Variants in ZNF444 observed in about 807,000 individuals in gnomAD.
The protein encoded by ZNF444 is endothelial zinc finger protein 2.
In ZNF444, 8 loss-of-function variants were observed where a neutral mutation model predicts 14.4. The observed-to-expected ratio is 0.56, with a 90% CI of 0.33 to 1.00. The LOEUF (loss-of-function observed/expected upper bound fraction) is 1.00, where lower values mean the gene tolerates loss of function less well. ZNF444 is among the 50% of genes least tolerant of loss of function. ZNF444 has a pLI of 0.03. For missense variants in ZNF444, 510 were observed against 504.8 expected (o/e 1.01, Z -0.10); for synonymous variants, 258 against 235.9 (o/e 1.09, Z -0.86).
At chr19:56,136,193 C>G (rs1860483835) in intron 1 of ZNF444, among the ~76,000 whole-genome samples, 1 of 151,860 alleles carries the variant, frequency 6.6e-6, no homozygotes, top group Admixed American at 6.6e-5. Context: ...GTGTTATGAC[C>G]TCCATTCAAG....
At chr19:56,151,966 G>A (rs930275050) in intron 3 of ZNF444, 5 of 455,828 alleles carry the variant, frequency 1.1e-5, no homozygotes, top group Non-Finnish European at 2.2e-5. Context: ...ATTGCCGGAT[G>A]AGAAGGAGAG....
chr19:56,141,057 G>C (rs976720582), upstream of ZNF444: 1 of 152,124 alleles, frequency 6.6e-6, no homozygotes, highest in Non-Finnish European at 1.5e-5. Context: ...CGTATCTTGG[G>C]AAATGTAGTT....
chr19:56,133,874 G>A (rs971111655), intron 1 of ZNF444, among the ~76,000 whole-genome samples: 1 of 151,824 alleles, frequency 6.6e-6, no homozygotes, highest in East Asian at 1.9e-4. Context: ...GGGAGCATGA[G>A]GGGGAAGTCA....
intron 3 of ZNF444, chr19:56,150,474 C>T (rs1236379492): frequency 2.7e-6 from 1 of 364,840 alleles, no homozygotes; most frequent in Non-Finnish European, 5.3e-6. Context: ...GTATCTGTTA[C>T]TCTCTCTTTT....
intron 3 of ZNF444, chr19:56,156,010 A>G (rs2031881977): frequency 6.6e-6 from 1 of 152,236 alleles, no homozygotes; most frequent in Non-Finnish European, 1.5e-5. Flanking sequence ...CAGGCTGTAC[A>G]TCGGGCTCCC....
Position 56,158,542 on chromosome 19 carries a change from G to A in ZNF444, c.346G>A (p.Asp116Asn). 1.2e-6 allele frequency: 2 copies of A among 1,612,334 alleles called. No individual in the cohort carries two copies. The highest frequency in any genetic ancestry group is 2.2e-5 in the East Asian group (1 of 44,644). Residue 116 changes from aspartate (D) to asparagine (N), a missense_variant, in exon 4 of 5, where the codon GAT becomes AAT. By Grantham distance (23) the Asp-to-Asn change is conservative. Coordinates refer to ENST00000337080, the MANE Select transcript of ZNF444 (RefSeq NM_018337.4). The part of the protein sequence containing the change: ...DGSSATRVPQ[D>N]VTQGPGATGG... ...GTCGTCAGCAACGAGGGTGCCTCAG[G>A]ATGTGACGCAGGGCCCTGGGGCCAC...
intron 3 of ZNF444, among the ~76,000 whole-genome samples, chr19:56,148,599 T>G (rs1033229207): frequency 6.6e-6 from 1 of 151,922 alleles, no homozygotes; most frequent in African/African-American, 2.4e-5. Context: ...CCCCCTCTTA[T>G]TGTCTGGGAT....
intron 4 of ZNF444, 39 bp downstream of exon 4, chr19:56,158,641 C>T (rs200359739): frequency 5.2e-6 from 8 of 1,531,044 alleles, no homozygotes; most frequent in Non-Finnish European, 7.1e-6. Flanking sequence ...CGCCAGCCCC[C>T]AGCACCGGGG....
intron 1 of ZNF444, among the ~76,000 whole-genome samples, chr19:56,136,251 T>C (rs1203243797): frequency 6.6e-6 from 1 of 151,972 alleles, no homozygotes; most frequent in Non-Finnish European, 1.5e-5. Context: ...GGCTGGGGCA[T>C]GTTGGGTGGG....
At chr19:56,156,892 CCT>C (rs1227143551) in intron 3 of ZNF444, 4 of 152,290 alleles carry the variant, frequency 2.6e-5, no homozygotes, top group African/African-American at 9.6e-5. Context: ...GCCAGCGTCC[CCT>C]GTCTCTGGGG....
At chr19:56,136,845 G>A (rs567676656), upstream of ZNF444, among the ~76,000 whole-genome samples, 5 of 152,042 alleles carry the variant, frequency 3.3e-5, no homozygotes, top group South Asian at 8.3e-4. Flanking sequence ...GCAATGGCAC[G>A]ATCTTGGCTC....
rs1379519774 is a variant in ZNF444 at position 56,144,988 on chromosome 19, C to T, written c.-196-1259C>T. 1.3e-5 allele frequency among the ~76,000 whole-genome samples: 2 copies of T among 152,224 alleles called. No individual in the cohort carries two copies. Among genetic ancestry groups the T allele is most frequent in the Admixed American group, 6.5e-5 (1 of 15,280 alleles). ...TGACTATCTTTGGCTCTGTGGACAG[C>T]CTTACAGGCCACCCAGGCCCTGTCA... On this transcript the variant is annotated intron_variant, in intron 1 of 4. Transcript: ENST00000337080. This position sits in a 1 kb window ranked among gnomAD's most constrained non-coding sequence, Gnocchi z 4.0.
intron 1 of ZNF444, among the ~76,000 whole-genome samples, chr19:56,134,000 C>T (rs2030553828): frequency 2.0e-5 from 3 of 151,952 alleles, no homozygotes; most frequent in South Asian, 2.1e-4. Context: ...GATCCAGCCC[C>T]CTGGGAGCCT....
In ZNF444 at chr19:56,133,206, G is replaced by A. The variant is rs143526357; in HGVS notation, c.-197+428G>A. 5.1e-4 allele frequency among the ~76,000 whole-genome samples: 78 copies of A among 151,782 alleles called. 1 individual carries two copies. In the East Asian group the frequency reaches 0.015, roughly 28 times the overall value. On this transcript the variant is annotated intron_variant, in intron 1 of 2. Coordinates refer to the ZNF444 transcript ENST00000587467. ...ACCCACCTCGGCCTCCCAAAGTGTT[G>A]GGATTACAGGCGCACACCACCATGC...
Position 56,159,756 on chromosome 19 carries a change from C to A in ZNF444, c.539C>A (p.Ser180Tyr). The A allele has an allele frequency of 6.3e-7, 1 of 1,591,128 alleles. No homozygotes were observed. The highest frequency in any genetic ancestry group is 1.7e-5 in the Admixed American group (1 of 58,294). ...PAFLAAPGTT[S>Y]CPECGKTSLK... ...TTCCTAGCGGCCCCGGGCACCACGT[C>A]CTGCCCCGAGTGCGGCAAAACGTCC... is the stretch of plus-strand genomic sequence containing the variant. The change falls in exon 5 of 5, where the codon TCC (serine) becomes TAC (tyrosine). Residue 180 changes from serine to tyrosine, a missense_variant. Coordinates refer to ENST00000337080, the MANE Select transcript of ZNF444 (RefSeq NM_018337.4).
intron 3 of ZNF444, chr19:56,150,373 G>A (rs1568556403): frequency 7.4e-6 from 2 of 271,770 alleles, no homozygotes; most frequent in East Asian, 1.9e-4. Flanking sequence ...GAAATCACCA[G>A]GCTCCAGGCC....
rs60367783 is a variant in ZNF444 at position 56,160,287 on chromosome 19, T to C, written c.*86T>C. Reference sequence around the variant, plus strand: ...CTCCCAGCGCCACTTGGCCTCTTCCTCTCCTCCTTCCCTCCCATCGTCCTC... The same window carrying C: ...CTCCCAGCGCCACTTGGCCTCTTCCCCTCCTCCTTCCCTCCCATCGTCCTC... On this transcript the variant is annotated 3_prime_UTR_variant, in exon 5 of 5. Coordinates refer to ENST00000337080, the MANE Select transcript of ZNF444 (RefSeq NM_018337.4). 55,973 of 1,112,550 alleles carry C rather than the reference T, an allele frequency of 0.05. 3,469 individuals carry two copies. Among genetic ancestry groups the C allele is most frequent in the African/African-American group, 0.3 (17,865 of 59,878 alleles). The allele number at this position is 1,112,550 out of a possible 1,614,324, so 68.9% of individuals were successfully genotyped here.
chr19:56,136,835 G>C (rs567222944), upstream of ZNF444, among the ~76,000 whole-genome samples: 1 of 152,118 alleles, frequency 6.6e-6, no homozygotes, highest in Non-Finnish European at 1.5e-5. Context: ...AGGCTGGAGT[G>C]CAATGGCACG....
At chr19:56,157,955 TCTG>T (rs959357457) in intron 3 of ZNF444, 2 of 152,152 alleles carry the variant, frequency 1.3e-5, no homozygotes, top group African/African-American at 4.8e-5. Flanking sequence ...TGGCAGCTGT[TCTG>T]CTGTTTCACA....
Sources: allele counts gnomAD v4.1 joint callset (sites outside exome capture counted in the v4.1 genomes callset), GRCh38; gene constraint gnomAD v4.1.1; non-coding constraint Gnocchi (gnomAD v3.1); transcripts MANE v1.5; gene names NCBI Gene and HGNC (gene_info 2026-07-23, HGNC 2026-07-21).